The following ELF4 variants were observed in gnomAD, a reference collection of about 807,000 sequenced individuals.
ELF4 encodes ETS-related transcription factor Elf-4.
A neutral mutation model predicts 31.7 loss-of-function variants in ELF4; 10 were observed. The observed-to-expected ratio is 0.32, with a 90% CI of 0.19 to 0.54. ELF4 has a LOEUF of 0.54. Ranked by LOEUF, ELF4 falls within the 20% of genes least tolerant of loss-of-function variation. The pLI is 0.95. For missense variants in ELF4, 418 were observed against 522.0 expected, an observed-to-expected ratio of 0.80 and a Z score of 1.94; for synonymous variants, 208 against 226.7, an observed-to-expected ratio of 0.92 and a Z score of 0.74.
intron 1 of ELF4, among the ~76,000 whole-genome samples, chrX:130,089,645 G>C (rs1315058538): frequency 9.1e-6 from 1 of 110,347 alleles, no homozygotes; most frequent in Non-Finnish European, 1.9e-5. Context: ...AGGAGAGGAA[G>C]TGACTTGCTC....
chrX:130,082,935 C>T (rs1343707086), intron 1 of ELF4, among the ~76,000 whole-genome samples: 6 of 111,089 alleles, frequency 5.4e-5, no homozygotes, highest in Non-Finnish European at 1.1e-4. Flanking sequence ...TATCCTGGCC[C>T]GGAAAGAAAT....
chrX:130,073,973 A>G, intron 4 of ELF4, 76 bp downstream of exon 4: 1 of 1,081,110 alleles, frequency 9.2e-7, no homozygotes, highest in South Asian at 1.9e-5. Context: ...TGCCTGAGAA[A>G]CCAATACATG....
intron 1 of ELF4, among the ~76,000 whole-genome samples, chrX:130,094,440 G>A (rs192998046): frequency 1.7e-4 from 18 of 106,544 alleles, no homozygotes; most frequent in East Asian, 5.9e-4. Flanking sequence ...GGTGGCGGGC[G>A]CCTATAATCC....
intron 1 of ELF4, among the ~76,000 whole-genome samples, chrX:130,104,652 G>A (rs1289335339): frequency 5.3e-5 from 6 of 112,253 alleles, no homozygotes; most frequent in African/African-American, 1.9e-4. Context: ...GACTCCCAGA[G>A]TGGTTAAGTA....
intron 1 of ELF4, among the ~76,000 whole-genome samples, chrX:130,086,127 GT>G (rs1179578564): frequency 2.7e-5 from 3 of 112,231 alleles, no homozygotes; most frequent in African/African-American, 9.7e-5. Context: ...AGGGGCCCTA[GT>G]CACCGCTATT....
In ELF4 at chrX:130,070,980, C is replaced by T. The variant is rs976748078; in HGVS notation, c.809+60G>A. The stretch of plus-strand genomic sequence containing the variant: ...ATGAAAGCGAGGAGGACTCCTTGGA[C>T]TTAAGGAAGGATTGGTGATCCCCAG... On this transcript the variant is annotated intron_variant, in intron 7 of 8. Transcript: ENST00000308167. 4 of 1,194,929 alleles carry T rather than the reference C, an allele frequency of 3.3e-6. No homozygotes were observed. The African/African-American group carries it at 7.1e-5, about 21-fold the overall frequency.
rs1932786759 is a variant in ELF4, at chrX:130,071,404, C to T, written c.548G>A (p.Gly183Asp). ...KSKKRIRKTK[G>D]NRSTSPVTDP... ...AGTGACAGGTGAGGTACTTCGGTTG[C>T]CCTTGGTCTTCCGGACTATGAGGGA... The change falls in exon 6 of 9, where the codon GGC becomes GAC. Residue 183 changes from glycine to aspartate, a missense_variant. Gly to Asp is a moderately conservative substitution (Grantham distance 94, BLOSUM62 -1). Transcript: ENST00000308167. The T allele has an allele frequency of 1.7e-6, 2 of 1,211,602 alleles. No individual in the cohort carries two copies. Among genetic ancestry groups the T allele is most frequent in the African/African-American group, 1.7e-5 (1 of 57,821 alleles).
At position 130,071,309 on chromosome X, in the gene ELF4, C is replaced by T. The variant is rs755108757; in HGVS notation, c.616+27G>A. ...CAGCAGGGAAGGGGCTCCCTCCCCA[C>T]CTCACCTGAGTCCCAGCTGTCCATA... is the stretch of plus-strand genomic sequence containing the variant. On this transcript the variant is annotated intron_variant, in intron 6 of 8. Transcript: ENST00000308167. 7.4e-6 allele frequency: 9 copies of T among 1,211,130 alleles called. No homozygotes were observed. The South Asian group carries it at 1.6e-4, about 21-fold the overall frequency.
At position 130,083,544 on chromosome X, in the gene ELF4, G is replaced by A. The variant is rs145675298; in HGVS notation, c.-209-2005C>T. The stretch of plus-strand genomic sequence containing the variant: ...TGTGTCCCTTCCCCCAAGGTCACTC[G>A]CTGTAGCCCTTCCCTTCGGGCTTGC... On this transcript the variant is annotated intron_variant, in intron 1 of 8. Coordinates refer to ENST00000308167, the MANE Select transcript of ELF4 (RefSeq NM_001421.4). 8.5e-4 allele frequency among the ~76,000 whole-genome samples: 95 copies of A among 111,394 alleles called. No homozygotes were observed. The East Asian group carries it at 0.026, about 31-fold the overall frequency.
intron 1 of ELF4, among the ~76,000 whole-genome samples, chrX:130,109,198 C>T (rs147394592): frequency 0.016 from 1,828 of 111,919 alleles, 25 homozygotes; most frequent in Non-Finnish European, 0.023. Context: ...GGTGAGTCCC[C>T]AATGGGCGTG....
upstream of ELF4, among the ~76,000 whole-genome samples, chrX:130,111,655 G>T (rs1383901007): frequency 3.6e-5 from 4 of 111,942 alleles, no homozygotes; most frequent in Non-Finnish European, 5.7e-5. Context: ...GGGCTAGGGG[G>T]AGAGGGGCTG....
intron 1 of ELF4, among the ~76,000 whole-genome samples, chrX:130,104,598 A>C (rs1452631641): frequency 1.8e-5 from 2 of 111,935 alleles, no homozygotes; most frequent in African/African-American, 6.5e-5. Flanking sequence ...CTTTATATGC[A>C]TCGTCTCATT....
rs745964330 is a variant in ELF4, at chrX:130,069,501, C to T, written c.986G>A (p.Arg329Gln). The change falls in exon 8 of 9, where the codon CGA becomes CAA. Residue 329 changes from arginine (R) to glutamine (Q), a missense_variant. Physicochemically the swap from Arg to Gln is conservative, Grantham distance 43. Around this residue, in one of 4 missense-constraint regions of ELF4, gnomAD observed 260 missense variants for 269.2 expected, o/e 0.97. Coordinates refer to ENST00000308167, the MANE Select transcript of ELF4 (RefSeq NM_001421.4). ...TCTGGATGAGACCCTGGAGCTGGTT[C>T]GCCGGGTGGTACTGGCAGAGGCCAC... The part of the protein sequence containing the change: ...ASVASASTTR[R>Q]TSSRVSSRSA... 10 of 1,211,287 alleles carry T rather than the reference C, an allele frequency of 8.3e-6. No homozygotes were observed. Among genetic ancestry groups the T allele is most frequent in the Admixed American group, 4.3e-5 (2 of 45,999 alleles).
intron 1 of ELF4, among the ~76,000 whole-genome samples, chrX:130,087,268 G>A (rs1378464146): frequency 8.9e-6 from 1 of 111,967 alleles, no homozygotes; most frequent in Admixed American, 9.4e-5. Context: ...CAGTATAACG[G>A]TCTGCCAGCT....
At chrX:130,069,811 T>C in intron 7 of ELF4, 134 bp from the exon 8 acceptor site, 4 of 948,077 alleles carry the variant, frequency 4.2e-6, no homozygotes. Flanking sequence ...GGGAGCCAGC[T>C]GAGGGCCCAA....
Position 130,063,972 on chromosome X carries a change from TTTATTATTATTATTATTA to T in ELF4, c.*2731_*2748del, listed in dbSNP as rs201836552. 1.2e-4 allele frequency among the ~76,000 whole-genome samples: 11 copies of T among 93,325 alleles called. No individual in the cohort carries two copies. Among genetic ancestry groups the T allele is most frequent in the Non-Finnish European group, 1.7e-4 (8 of 47,854 alleles). 81.0% of individuals were successfully genotyped at this position (93,325 alleles called of 115,157 possible). On this transcript the variant is annotated 3_prime_UTR_variant, in exon 9 of 9. Transcript: ENST00000308167. The stretch of plus-strand genomic sequence containing the variant: ...TGACGGCCTTTTTGTTTGCTTGATT[TTTATTATTATTATTATTA>T]TTATTATTATTATTATTATTATACT...
chrX:130,079,714 C>T (rs775324283), intron 2 of ELF4, among the ~76,000 whole-genome samples: 1 of 110,894 alleles, frequency 9.0e-6, no homozygotes, highest in South Asian at 3.8e-4. Context: ...GAGAGGCTGT[C>T]CGCTGAGGGT....
intron 1 of ELF4, among the ~76,000 whole-genome samples, chrX:130,084,001 C>T (rs1957427611): frequency 8.9e-6 from 1 of 112,140 alleles, no homozygotes; most frequent in Non-Finnish European, 1.9e-5. Context: ...ATGTGCATAC[C>T]TTCTGGGGTG....
At chrX:130,070,388 T>A (rs11798445) in intron 7 of ELF4, among the ~76,000 whole-genome samples, 1 of 110,146 alleles carries the variant, frequency 9.1e-6, no homozygotes, top group Non-Finnish European at 1.9e-5. Context: ...CTGGCTAACA[T>A]GGTGAAACCC....
Sources: gnomAD v4.1 joint callset for allele counts (sites outside exome capture counted in the v4.1 genomes callset) on GRCh38, gnomAD v4.1.1 for gene constraint, gnomAD v4.1.1 regional missense constraint, MANE v1.5 for transcripts, NCBI Gene and HGNC (gene_info 2026-07-23, HGNC 2026-07-21) for gene names.